The following TNRC18 variants were observed in gnomAD, a reference collection of about 807,000 sequenced individuals.
TNRC18 encodes trinucleotide repeat containing 18.
A neutral mutation model predicts 226.7 loss-of-function variants in TNRC18; 69 were observed. The observed-to-expected ratio is 0.30, with a 90% CI of 0.25 to 0.37. The LOEUF is 0.37. TNRC18 is among the 10% of genes least tolerant of loss of function. TNRC18 has a pLI of 1.00. For synonymous variants in TNRC18, 2,449 were observed against 1,927.6 expected (o/e 1.27, Z -7.09); for missense variants, 4,754 against 4,256.6 (o/e 1.12, Z -3.25).
At position 5,307,488 on chromosome 7, in the gene TNRC18, C is replaced by A. The variant is rs1328744191; in HGVS notation, c.*618G>T. ...TGGACCAGGGTGGGCCTGTGCCGGGCCCTCTCCACCTGGTGCCTTTGACAG... is the reference window on the plus strand; with the variant it reads ...TGGACCAGGGTGGGCCTGTGCCGGGACCTCTCCACCTGGTGCCTTTGACAG... On this transcript the variant is annotated 3_prime_UTR_variant, in exon 30 of 30. Transcript: ENST00000430969. 4.5e-6 allele frequency: 2 copies of A among 443,842 alleles called. No individual in the cohort carries two copies. Among genetic ancestry groups the A allele is most frequent in the Admixed American group, 2.4e-5 (1 of 41,378 alleles). 27.5% of individuals were successfully genotyped at this position (443,842 alleles called of 1,614,324 possible). A position where few individuals can be genotyped will look rare whatever the true frequency, so the allele number is the denominator to read the frequency against.
chr7:5,388,550 C>A lies in TNRC18; in HGVS notation c.1274G>T (p.Gly425Val). The change falls in exon 5 of 30, where the codon GGC becomes GTC. Residue 425 changes from glycine to valine, a missense_variant. Transcript: ENST00000430969. Reference sequence around the variant, plus strand: ...GATGACCGAGTTCTTCTCGCGCAGGCCCTCGGGCCGGTCCAGAGGCCGCGG... The same window carrying A: ...GATGACCGAGTTCTTCTCGCGCAGGACCTCGGGCCGGTCCAGAGGCCGCGG... ...GSPRPLDRPEGLREKNSVIRS... is the reference protein window; with the variant it reads ...GSPRPLDRPEVLREKNSVIRS... The A allele has an allele frequency of 7.6e-7, 1 of 1,313,872 alleles. No individual in the cohort carries two copies. Among genetic ancestry groups the A allele is most frequent in the Non-Finnish European group, 9.7e-7 (1 of 1,034,692 alleles). 81.4% of individuals were successfully genotyped at this position (1,313,872 alleles called of 1,614,324 possible).
chr7:5,374,285 G>C lies in TNRC18; in HGVS notation c.2999C>G (p.Pro1000Arg), dbSNP rs984339761. ...GACCTTGGCCTTCAGGGCAGCCACA[G>C]GGGATGCGCGGGGTGATGGTGGCGG... ...VSPPPSPRAS[P>R]VAALKAKVIQ... The change falls in exon 10 of 30, where the codon CCT (proline) becomes CGT (arginine). Residue 1000 changes from proline (P) to arginine (R), a missense_variant. Pro to Arg is a moderately radical substitution (Grantham distance 103). Transcript: ENST00000430969. 4 of 1,469,262 alleles carry C rather than the reference G, an allele frequency of 2.7e-6. No individual in the cohort carries two copies. In the African/African-American group the frequency reaches 5.8e-5, roughly 21 times the overall value. 91.0% of individuals were successfully genotyped at this position (1,469,262 alleles called of 1,614,324 possible). A position where few individuals can be genotyped will look rare whatever the true frequency, so the allele number is the denominator to read the frequency against.
chr7:5,388,242 C>T lies in TNRC18; in HGVS notation c.1582G>A (p.Ala528Thr), dbSNP rs778411302. Residue 528 changes from alanine (A) to threonine (T), a missense_variant, in exon 5 of 30, where the codon GCG becomes ACG. Physicochemically the swap from Ala to Thr is moderately conservative, Grantham distance 58. Coordinates refer to ENST00000430969, the MANE Select transcript of TNRC18 (RefSeq NM_001080495.3). ...FAATQMAVLA[A>T]QHHHSRAEEE... ...TCGGCGCGGCTGTGGTGGTGCTGCG[C>T]GGCCAGCACGGCCATCTGCGTGGCG... 20 of 1,606,418 alleles carry T rather than the reference C, an allele frequency of 1.2e-5. No individual in the cohort carries two copies. The highest frequency in any genetic ancestry group is 1.1e-5 in the South Asian group (1 of 90,230).
Position 5,394,339 on chromosome 7 carries a change from G to T in TNRC18, c.343+101C>A, listed in dbSNP as rs1017386299. The T allele has an allele frequency of 1.6e-4, 187 of 1,203,290 alleles. No individual in the cohort carries two copies. Among genetic ancestry groups the T allele is most frequent in the Middle Eastern group, 2.9e-4 (1 of 3,438 alleles). 74.5% of individuals were successfully genotyped at this position (1,203,290 alleles called of 1,614,324 possible). A position where few individuals can be genotyped will look rare whatever the true frequency, so the allele number is the denominator to read the frequency against. On this transcript the variant is annotated intron_variant, in intron 3 of 29. Transcript: ENST00000430969. The surrounding 1 kb of genome is among the most constrained non-coding windows in gnomAD (Gnocchi z 4.5). ...AAGCCAGGTGACCTGGGACCCACCA[G>T]CCCCAGCTCAGCGATGACAACAGAG...
At chr7:5,319,386 C>CT (rs1788133192) in intron 24 of TNRC18, among the ~76,000 whole-genome samples, 1 of 152,176 alleles carries the variant, frequency 6.6e-6, no homozygotes, top group Non-Finnish European at 1.5e-5. Context: ...TCCATACCCC[C>CT]TCTCTAGGAT....
At chr7:5,348,080 G>A (rs1344868352) in intron 17 of TNRC18, among the ~76,000 whole-genome samples, 4 of 152,178 alleles carry the variant, frequency 2.6e-5, no homozygotes, top group Non-Finnish European at 5.9e-5. Context: ...TGCAGTCCCC[G>A]GAGCCCAGCC....
In TNRC18 at chr7:5,361,611, G is replaced by T; in HGVS notation, c.4644C>A (p.Ser1548Arg). ...AGCCTTACTTTCCGCTACTGTGGCC[G>T]CTCTTCCCTCTCTTGCGGGGGGGCG... ...ALSPPRKRGK[S>R]GHSSGKLSSK... is the part of the protein sequence containing the mutation. The change falls in exon 14 of 30, where the codon AGC becomes AGA. Residue 1548 changes from serine to arginine, a missense_variant. By Grantham distance (110) the Ser-to-Arg change is moderately radical. Coordinates refer to ENST00000430969, the MANE Select transcript of TNRC18 (RefSeq NM_001080495.3). 4 of 1,538,560 alleles carry T rather than the reference G, an allele frequency of 2.6e-6. No homozygotes were observed. Among genetic ancestry groups the T allele is most frequent in the African/African-American group, 1.4e-5 (1 of 71,396 alleles).
intron 18 of TNRC18, among the ~76,000 whole-genome samples, chr7:5,341,586 A>C (rs1790690489): frequency 6.6e-6 from 1 of 151,714 alleles, no homozygotes; most frequent in African/African-American, 2.4e-5. Flanking sequence ...CAACATGGGG[A>C]AACCCCGTTT....
At chr7:5,345,945 G>A in intron 17 of TNRC18, 135 bp from the exon 18 acceptor site, 1 of 1,288,256 alleles carries the variant, frequency 7.8e-7, no homozygotes, top group East Asian at 2.6e-5. Context: ...GCTGGGGGTG[G>A]ATGCAGACCC....
chr7:5,390,386 A>G (rs1780200637), intron 4 of TNRC18, 99 bp downstream of exon 4: 4 of 1,275,994 alleles, frequency 3.1e-6, no homozygotes, highest in Non-Finnish European at 3.3e-6. Context: ...AAAAGCCAGC[A>G]TCCTGGACAG....
chr7:5,319,681 G>A (rs574886982), intron 24 of TNRC18, among the ~76,000 whole-genome samples: 46 of 152,192 alleles, frequency 3.0e-4, no homozygotes, highest in African/African-American at 1.1e-3. Flanking sequence ...GCTAATTTTT[G>A]TATTTTTAGT....
intron 18 of TNRC18, among the ~76,000 whole-genome samples, chr7:5,338,877 G>T (rs920464447): frequency 1.4e-5 from 2 of 145,494 alleles, no homozygotes; most frequent in Admixed American, 7.1e-5. Context: ...CCGAGATCAT[G>T]CCGTTGCACT....
chr7:5,404,834 C>T (rs937711038), intron 2 of TNRC18, among the ~76,000 whole-genome samples: 5 of 151,278 alleles, frequency 3.3e-5, no homozygotes, highest in African/African-American at 9.8e-5. Context: ...ACAGAAATGG[C>T]GGAGCACGGT....
At chr7:5,347,580 G>A (rs1032005037) in intron 17 of TNRC18, among the ~76,000 whole-genome samples, 6 of 152,164 alleles carry the variant, frequency 3.9e-5, no homozygotes, top group Non-Finnish European at 7.4e-5. Context: ...CGGGAGGATC[G>A]CCTGAGCTCA....
chr7:5,322,040 G>A (rs563184636), intron 21 of TNRC18, among the ~76,000 whole-genome samples: 5 of 152,032 alleles, frequency 3.3e-5, no homozygotes, highest in Non-Finnish European at 5.9e-5. Context: ...AGCACTTTGG[G>A]AGGCTGAGGC....
intron 2 of TNRC18, among the ~76,000 whole-genome samples, chr7:5,407,809 C>T (rs1781578168): frequency 6.6e-6 from 1 of 152,148 alleles, no homozygotes; most frequent in Non-Finnish European, 1.5e-5. Context: ...GGTTTCCCCC[C>T]TACCGAGACT....
chr7:5,368,055 A>G (rs1200288889), intron 11 of TNRC18, among the ~76,000 whole-genome samples: 1 of 151,704 alleles, frequency 6.6e-6, no homozygotes, highest in Non-Finnish European at 1.5e-5. Context: ...AACGGAGAAA[A>G]AAAAAAAACA....
chr7:5,361,987 A>G lies in TNRC18; in HGVS notation c.4442T>C (p.Leu1481Pro). The G allele has an allele frequency of 6.2e-7, 1 of 1,613,532 alleles. No individual in the cohort carries two copies. ...CTCGGCCAGCCGCATCCGGAAGTCC[A>G]GCTCCAGGGCGTCCATGTCCTCCAG... ...SSLEDMDALE[L>P]DFRMRLAEVQ... Residue 1481 changes from leucine to proline, a missense_variant, in exon 13 of 30, where the codon CTG becomes CCG. Coordinates refer to ENST00000430969, the MANE Select transcript of TNRC18 (RefSeq NM_001080495.3).
chr7:5,405,132 G>C (rs1170155717), intron 2 of TNRC18, among the ~76,000 whole-genome samples: 2 of 148,996 alleles, frequency 1.3e-5, no homozygotes, highest in Non-Finnish European at 3.0e-5. Context: ...AAAAAAAGAA[G>C]TATACAGAAA....
Sources: gnomAD v4.1 joint callset for allele counts (sites outside exome capture counted in the v4.1 genomes callset) on GRCh38, gnomAD v4.1.1 for gene constraint, Gnocchi (gnomAD v3.1) non-coding constraint, MANE v1.5 for transcripts, NCBI Gene and HGNC (gene_info 2026-07-23, HGNC 2026-07-21) for gene names.